The following DCLK1 variants were observed in gnomAD, a reference collection of about 807,000 sequenced individuals.
The protein encoded by DCLK1 is doublecortin like kinase 1.
DCLK1 carries 16 observed loss-of-function variants against 86.2 expected under a neutral mutation model. The observed-to-expected ratio is 0.19, with a 90% CI of 0.13 to 0.28. DCLK1 has a LOEUF of 0.28. Among genes scored for constraint, DCLK1 ranks in the 10% least tolerant of loss-of-function variants. The pLI, the probability that DCLK1 is intolerant of heterozygous loss-of-function variation, is 1.00. For missense variants in DCLK1, 590 were observed against 940.2 expected (o/e 0.63, Z 4.87); for synonymous variants, 369 against 370.5 (o/e 1.00, Z 0.05).
At chr13:35,996,194 G>T (rs146023361) in intron 3 of DCLK1, among the ~76,000 whole-genome samples, 2 of 152,272 alleles carry the variant, frequency 1.3e-5, no homozygotes, top group East Asian at 3.9e-4. Context: ...CTCCCAAAAT[G>T]CTAAGATTCT....
intron 6 of DCLK1, chr13:35,847,974 T>C (rs1262095923): frequency 2.0e-6 from 2 of 985,184 alleles, no homozygotes; most frequent in Non-Finnish European, 2.4e-6. Flanking sequence ...CTGAACTTCA[T>C]ACTTTATATA....
At chr13:35,912,520 G>A (rs756675197) in intron 4 of DCLK1, among the ~76,000 whole-genome samples, 19 of 152,138 alleles carry the variant, frequency 1.2e-4, no homozygotes, top group Non-Finnish European at 2.4e-4. Flanking sequence ...GACTTTGGAG[G>A]ACAGACGGCT....
intron 3 of DCLK1, among the ~76,000 whole-genome samples, chr13:36,075,809 G>A (rs1453801745): frequency 6.6e-6 from 1 of 152,146 alleles, no homozygotes; most frequent in South Asian, 2.1e-4. Context: ...CTGAGGTCAG[G>A]AGTTTGAGAC....
intron 15 of DCLK1, among the ~76,000 whole-genome samples, chr13:35,794,313 T>G (rs572905931): frequency 7.6e-4 from 115 of 151,300 alleles, no homozygotes; most frequent in Non-Finnish European, 1.5e-3. Context: ...TATTAGATGC[T>G]CAATTGTGGA....
chr13:35,829,651 G>C (rs1742256620), intron 8 of DCLK1, among the ~76,000 whole-genome samples: 1 of 152,106 alleles, frequency 6.6e-6, no homozygotes, highest in Non-Finnish European at 1.5e-5. Flanking sequence ...GACACTTCCA[G>C]GCTTTTTCAT....
At chr13:36,070,372 C>T (rs1302258064) in intron 3 of DCLK1, among the ~76,000 whole-genome samples, 1 of 152,142 alleles carries the variant, frequency 6.6e-6, no homozygotes, top group Admixed American at 6.5e-5. Context: ...CTAGTAGTAA[C>T]AGTACTGGAC....
chr13:36,022,962 C>T (rs1280105288), intron 3 of DCLK1, among the ~76,000 whole-genome samples: 1 of 152,120 alleles, frequency 6.6e-6, no homozygotes, highest in Non-Finnish European at 1.5e-5. Flanking sequence ...AAACTACAGG[C>T]AAATATCCCT....
intron 4 of DCLK1, among the ~76,000 whole-genome samples, chr13:35,918,892 G>GTGTTT: frequency 1.3e-5 from 1 of 76,324 alleles, no homozygotes; most frequent in South Asian, 5.9e-4. Flanking sequence ...TTCTGAGTGT[G>GTGTTT]TTTTTTTTTT....
intron 11 of DCLK1, among the ~76,000 whole-genome samples, chr13:35,819,046 G>C (rs2087335141): frequency 6.6e-6 from 1 of 152,036 alleles, no homozygotes; most frequent in African/African-American, 2.4e-5. Context: ...GTTCATAGAA[G>C]TATCACTCAT....
intron 3 of DCLK1, among the ~76,000 whole-genome samples, chr13:36,012,323 C>T (rs1881310371): frequency 6.6e-6 from 1 of 151,284 alleles, no homozygotes; most frequent in Non-Finnish European, 1.5e-5. Context: ...TTCCTAGTCT[C>T]GATGGTCTTT....
chr13:35,974,950 G>A (rs1879258482), intron 3 of DCLK1, among the ~76,000 whole-genome samples: 1 of 152,174 alleles, frequency 6.6e-6, no homozygotes, highest in African/African-American at 2.4e-5. Context: ...CAGGAATGGT[G>A]CTAAGAACTT....
chr13:35,799,411 G>A (rs7994569), intron 15 of DCLK1, among the ~76,000 whole-genome samples: 2 of 151,916 alleles, frequency 1.3e-5, no homozygotes, highest in Non-Finnish European at 2.9e-5. Context: ...GCCACCATGC[G>A]TGGCTAATTT....
At chr13:35,912,620 G>A (rs1179555366) in intron 4 of DCLK1, among the ~76,000 whole-genome samples, 1 of 152,120 alleles carries the variant, frequency 6.6e-6, no homozygotes, top group Non-Finnish European at 1.5e-5. Context: ...CCTCTCTGCT[G>A]AGAGCAACTT....
chr13:36,041,937 A>T (rs1392804368), intron 3 of DCLK1, among the ~76,000 whole-genome samples: 2 of 152,202 alleles, frequency 1.3e-5, no homozygotes, highest in East Asian at 3.8e-4. Flanking sequence ...CTCTATCTAT[A>T]AGGAATTTTT....
intron 4 of DCLK1, among the ~76,000 whole-genome samples, chr13:35,912,417 C>A (rs9545707): frequency 6.6e-6 from 1 of 152,058 alleles, no homozygotes; most frequent in African/African-American, 2.4e-5. Flanking sequence ...ACCCCACCCC[C>A]AGTCCTGTGC....
intron 4 of DCLK1, among the ~76,000 whole-genome samples, chr13:35,917,308 G>T (rs1875475408): frequency 6.6e-6 from 1 of 152,206 alleles, no homozygotes; most frequent in Admixed American, 6.5e-5. Context: ...AGAGGAAGAG[G>T]TATTTTTCCT....
intron 3 of DCLK1, among the ~76,000 whole-genome samples, chr13:35,958,108 CCAT>C (rs1205907537): frequency 2.9e-5 from 4 of 137,074 alleles, no homozygotes; most frequent in Non-Finnish European, 4.6e-5. Flanking sequence ...GCTATAACCA[CCAT>C]CACCACCACC....
intron 6 of DCLK1, among the ~76,000 whole-genome samples, chr13:35,845,419 A>C (rs1779951275): frequency 6.6e-6 from 1 of 152,168 alleles, no homozygotes; most frequent in Admixed American, 6.5e-5. Context: ...CTATATATTT[A>C]TCCAGTGATT....
intron 1 of DCLK1, 26 bp downstream of exon 1, chr13:36,131,088 G>C (rs931019949): frequency 2.7e-5 from 4 of 150,556 alleles, no homozygotes; most frequent in African/African-American, 7.3e-5. Flanking sequence ...CGCAGCTCCC[G>C]TCCCCAGGGA....
Sources: allele counts gnomAD v4.1 joint callset (sites outside exome capture counted in the v4.1 genomes callset), GRCh38; gene constraint gnomAD v4.1.1; transcripts MANE v1.5; gene names NCBI Gene and HGNC (gene_info 2026-07-23, HGNC 2026-07-21).